Variants in ATP8B4 observed in about 807,000 individuals in gnomAD.
ATP8B4 encodes ATPase phospholipid transporting 8B4 (putative), also known as probable phospholipid-transporting ATPase IM.
Under a neutral mutation model 145.6 loss-of-function variants are expected in ATP8B4, and 133 were observed. The observed-to-expected ratio is 0.91, with a 90% CI of 0.79 to 1.05. The LOEUF is 1.05. Ranked by LOEUF, ATP8B4 falls within the 50% of genes least tolerant of loss-of-function variation. The pLI is 0.00. For missense variants in ATP8B4, 1,458 were observed against 1,425.2 expected (o/e 1.02, Z -0.37); for synonymous variants, 507 against 492.9 (o/e 1.03, Z -0.38).
At chr15:49,909,926 C>T (rs1290095808) in intron 20 of ATP8B4, among the ~76,000 whole-genome samples, 1 of 151,818 alleles carries the variant, frequency 6.6e-6, no homozygotes, top group Non-Finnish European at 1.5e-5. Context: ...CGTAAGGACA[C>T]AAGAAACGTG....
chr15:49,979,219 A>G (rs2045948304), intron 12 of ATP8B4, among the ~76,000 whole-genome samples: 1 of 152,108 alleles, frequency 6.6e-6, no homozygotes, highest in African/African-American at 2.4e-5. Flanking sequence ...TAAGTGGTAG[A>G]ATAGGACCTG....
rs2051584981 is a variant in ATP8B4 at position 50,044,699 on chromosome 15, C to T, written c.202-7G>A. The T allele has an allele frequency of 1.9e-6, 3 of 1,588,814 alleles. No individual in the cohort carries two copies. The highest frequency in any genetic ancestry group is 4.5e-5 in the East Asian group (2 of 44,684). ...AGGAAATTTCTGGAATTAGCTGAAA[C>T]AAACATTCCAAATAGTTTAGGGCTT... On this transcript the variant is annotated splice_polypyrimidine_tract_variant and splice_region_variant and intron_variant, in intron 4 of 27. Transcript: ENST00000284509.
chr15:50,092,148 G>T (rs2055651315), intron 2 of ATP8B4, among the ~76,000 whole-genome samples: 1 of 152,042 alleles, frequency 6.6e-6, no homozygotes, highest in African/African-American at 2.4e-5. Context: ...GACTTCTAAA[G>T]GATTATATTT....
chr15:50,080,860 T>C (rs1157390471), intron 2 of ATP8B4, among the ~76,000 whole-genome samples: 1 of 152,020 alleles, frequency 6.6e-6, no homozygotes, highest in Non-Finnish European at 1.5e-5. Flanking sequence ...ACGCCTGTAA[T>C]CCCAGCACTT....
chr15:49,910,625 A>C (rs1267121365), intron 20 of ATP8B4, among the ~76,000 whole-genome samples: 1 of 152,196 alleles, frequency 6.6e-6, no homozygotes, highest in Non-Finnish European at 1.5e-5. Flanking sequence ...CCTATAAAGG[A>C]GTCTCCATCA....
intron 3 of ATP8B4, among the ~76,000 whole-genome samples, chr15:50,054,807 A>C (rs12917255): frequency 1.3e-3 from 145 of 112,864 alleles, no homozygotes; most frequent in Middle Eastern, 4.0e-3. Context: ...AAAAAAAAAA[A>C]AACAAAAAAA....
At chr15:49,963,232 G>A (rs901681968) in intron 13 of ATP8B4, among the ~76,000 whole-genome samples, 12 of 152,194 alleles carry the variant, frequency 7.9e-5, no homozygotes, top group Admixed American at 5.2e-4. Context: ...ACCACCTCAC[G>A]CCAGTCAGAA....
intron 2 of ATP8B4, among the ~76,000 whole-genome samples, chr15:50,099,234 C>A (rs2056190442): frequency 6.6e-6 from 1 of 152,216 alleles, no homozygotes; most frequent in Non-Finnish European, 1.5e-5. Flanking sequence ...TACCCATAAA[C>A]AACCTTCTTC....
rs751295320 is a variant in ATP8B4, at chr15:49,860,286, G to GTGTCT, written c.3482_3486dup (p.His1163ArgfsTer21). 6.2e-7 allele frequency: 1 copy of GTGTCT among 1,614,168 alleles called. No homozygotes were observed. Among genetic ancestry groups the GTGTCT allele is most frequent in the Admixed American group, 1.7e-5 (1 of 60,028 alleles). ...TCAATCCAGCTAGTGCTATTATAAT[G>GTGTCT]TGTCTTTTCCAGCCCTGATGTTGGG... is the stretch of plus-strand genomic sequence containing the variant. On this transcript the variant is annotated frameshift_variant, in exon 28 of 28. Coordinates refer to ENST00000284509, the MANE Select transcript of ATP8B4 (RefSeq NM_024837.4). LOFTEE classifies it high-confidence loss of function.
intron 1 of ATP8B4, among the ~76,000 whole-genome samples, chr15:50,162,167 T>C (rs1273141659): frequency 6.6e-6 from 1 of 152,128 alleles, no homozygotes; most frequent in Non-Finnish European, 1.5e-5. Context: ...GTTACTTTTC[T>C]TGTATGCTTC....
intron 1 of ATP8B4, among the ~76,000 whole-genome samples, chr15:50,116,028 T>C (rs1445198784): frequency 6.6e-5 from 10 of 152,156 alleles, no homozygotes; most frequent in Non-Finnish European, 1.5e-4. Context: ...AATCTCACAG[T>C]TTGGGCTGGC....
intron 14 of ATP8B4, among the ~76,000 whole-genome samples, chr15:49,936,992 T>G (rs1284082685): frequency 6.6e-6 from 1 of 152,098 alleles, no homozygotes; most frequent in African/African-American, 2.4e-5. Context: ...TTGTTCTTGT[T>G]TCATGGATGT....
intron 27 of ATP8B4, among the ~76,000 whole-genome samples, chr15:49,861,410 G>GTGTC (rs1401748605): frequency 7.7e-6 from 1 of 129,778 alleles, no homozygotes; most frequent in African/African-American, 3.1e-5. Context: ...AAATGTGTGT[G>GTGTC]TGTGTGTGTG....
chr15:50,115,469 C>T (rs2057135592), intron 1 of ATP8B4, among the ~76,000 whole-genome samples: 1 of 151,978 alleles, frequency 6.6e-6, no homozygotes, highest in Non-Finnish European at 1.5e-5. Context: ...GAAGACCTCA[C>T]AGATGGCAAT....
intron 19 of ATP8B4, 87 bp from the exon 20 acceptor site, chr15:49,917,126 AT>A: frequency 7.8e-7 from 1 of 1,289,024 alleles, no homozygotes; most frequent in Non-Finnish European, 1.1e-6. Flanking sequence ...GCTTAGCTGT[AT>A]TTTCTTAAAG....
intron 1 of ATP8B4, among the ~76,000 whole-genome samples, chr15:50,134,110 T>G (rs2044088769): frequency 6.6e-6 from 1 of 152,116 alleles, no homozygotes; most frequent in Admixed American, 6.5e-5. Flanking sequence ...AGATAATTTT[T>G]ATTCATAAAT....
chr15:49,984,783 G>A (rs1439262018), intron 10 of ATP8B4, among the ~76,000 whole-genome samples: 1 of 151,956 alleles, frequency 6.6e-6, no homozygotes, highest in African/African-American at 2.4e-5. Context: ...GGTAGAAAAA[G>A]GTGAGAGGAA....
intron 1 of ATP8B4, among the ~76,000 whole-genome samples, chr15:50,141,232 G>T (rs1427778690): frequency 6.6e-6 from 1 of 152,050 alleles, no homozygotes; most frequent in African/African-American, 2.4e-5. Context: ...CTACAGATAA[G>T]CTCAAGGGCT....
At chr15:49,917,465 A>G (rs2039856819) in intron 19 of ATP8B4, among the ~76,000 whole-genome samples, 1 of 152,182 alleles carries the variant, frequency 6.6e-6, no homozygotes. Flanking sequence ...ATTTGAAGAA[A>G]AAACTCACAA....
Sources: allele counts gnomAD v4.1 joint callset (sites outside exome capture counted in the v4.1 genomes callset), GRCh38; gene constraint gnomAD v4.1.1; transcripts MANE v1.5; gene names NCBI Gene and HGNC (gene_info 2026-07-23, HGNC 2026-07-21).